Variants in ZNF831 observed in about 807,000 individuals in gnomAD.
ZNF831 encodes the protein zinc finger protein 831.
In ZNF831, 59 loss-of-function variants were observed where a neutral mutation model predicts 95.8. That is an observed-to-expected ratio of 0.62 (90% CI 0.50 to 0.77). The LOEUF is 0.77. ZNF831 is among the 30% of genes least tolerant of loss of function. The pLI, the probability that ZNF831 is intolerant of heterozygous loss-of-function variation, is 0.00. For missense variants in ZNF831, 2,205 were observed against 2,164.0 expected (o/e 1.02, Z -0.38); for synonymous variants, 961 against 925.5 (o/e 1.04, Z -0.70).
At chr20:59,161,725 GAGTGC>G (rs1204898955), upstream of ZNF831, among the ~76,000 whole-genome samples, 1 of 152,190 alleles carries the variant, frequency 6.6e-6, no homozygotes, top group East Asian at 1.9e-4. Flanking sequence ...ATAAACATAC[GAGTGC>G]AGGTGTCTTT....
intron 2 of ZNF831, among the ~76,000 whole-genome samples, chr20:59,148,306 G>A (rs562884821): frequency 7.2e-5 from 11 of 152,218 alleles, no homozygotes; most frequent in African/African-American, 2.6e-4. Context: ...GTGCACATGA[G>A]CTCTGAGGAC....
intron 4 of ZNF831, among the ~76,000 whole-genome samples, chr20:59,222,095 G>A (rs1986115188): frequency 6.6e-6 from 1 of 152,140 alleles, no homozygotes; most frequent in Non-Finnish European, 1.5e-5. Flanking sequence ...GCCTCCTCCT[G>A]TCTCCCAGCT....
Position 59,192,618 on chromosome 20 carries a change from G to T in ZNF831, c.1599G>T (p.Leu533=). Residue 533 remains leucine, a synonymous_variant, in exon 2 of 6, where the codon CTG becomes CTT. Transcript: ENST00000371030. The surrounding 1 kb of genome is among the most constrained non-coding windows in gnomAD (Gnocchi z 5.2). ...RDPWSRTQKP[L]SPRPGPARLG... is the part of the protein sequence containing the mutation. ...CCTGGTCCAGGACGCAGAAGCCTCT[G>T]AGCCCCAGGCCCGGCCCAGCCCGCC... The T allele has an allele frequency of 6.7e-7, 1 of 1,502,382 alleles. No individual in the cohort carries two copies. The allele number at this position is 1,502,382 out of a possible 1,614,324, so 93.1% of individuals were successfully genotyped here.
At chr20:59,237,614 G>A (rs779554230) in intron 4 of ZNF831, among the ~76,000 whole-genome samples, 4 of 152,188 alleles carry the variant, frequency 2.6e-5, no homozygotes, top group African/African-American at 7.2e-5. Flanking sequence ...GATTATGGGC[G>A]TGAGCCACTG....
chr20:59,206,919 T>G lies in ZNF831; in HGVS notation c.3890T>G (p.Phe1297Cys). Residue 1297 changes from phenylalanine (F) to cysteine (C), a missense_variant, in exon 4 of 6, where the codon TTC becomes TGC. Coordinates refer to ENST00000371030, the MANE Select transcript of ZNF831 (RefSeq NM_178457.3). The stretch of plus-strand genomic sequence containing the variant: ...CTCTTCTACAGGTACAAAGGGAATT[T>G]CTTGCAGAGCTGTGTTCAGCTGAGA... ...KINPKRYKGN[F>C]LQSCVQLRAS... is the part of the protein sequence containing the mutation. 6.2e-7 allele frequency: 1 copy of G among 1,614,048 alleles called. No individual in the cohort carries two copies. The highest frequency in any genetic ancestry group is 8.5e-7 in the Non-Finnish European group (1 of 1,179,986).
chr20:59,167,476 C>T (rs963943856), intron 1 of ZNF831, among the ~76,000 whole-genome samples: 4 of 151,026 alleles, frequency 2.6e-5, no homozygotes, highest in African/African-American at 7.3e-5. Flanking sequence ...TTATATTTTC[C>T]TTTTATGGCT....
rs191565536 is a variant in ZNF831 at position 59,164,178 on chromosome 20, T to G, written c.-66T>G. Among the ~76,000 whole-genome samples, 1 of 152,146 alleles carries G rather than the reference T, an allele frequency of 6.6e-6. No individual in the cohort carries two copies. Among genetic ancestry groups the G allele is most frequent in the African/African-American group, 2.4e-5 (1 of 41,414 alleles). ...TCATTGTGTTTGAATCAGAGCATCA[T>G]TGGCTGAAAACACTCCACTGTTTAT... is the stretch of plus-strand genomic sequence containing the variant. On this transcript the variant is annotated 5_prime_UTR_variant, in exon 1 of 6. Coordinates refer to ENST00000371030, the MANE Select transcript of ZNF831 (RefSeq NM_178457.3).
intron 1 of ZNF831, among the ~76,000 whole-genome samples, chr20:59,140,248 T>C (rs1979635190): frequency 6.6e-6 from 1 of 152,210 alleles, no homozygotes; most frequent in Non-Finnish European, 1.5e-5. Flanking sequence ...TAACAAGGCC[T>C]CTGGCCATTT....
intron 4 of ZNF831, among the ~76,000 whole-genome samples, chr20:59,241,575 A>G (rs1419856669): frequency 6.6e-6 from 1 of 152,246 alleles, no homozygotes; most frequent in East Asian, 1.9e-4. Flanking sequence ...TAAGAAAATG[A>G]CACTTGTAAA....
intron 4 of ZNF831, among the ~76,000 whole-genome samples, chr20:59,226,600 C>G (rs555342313): frequency 6.6e-6 from 1 of 150,634 alleles, no homozygotes; most frequent in African/African-American, 2.5e-5. Context: ...GGGGCCAACC[C>G]GAAATATATA....
At chr20:59,214,941 T>C (rs1359360077) in intron 4 of ZNF831, among the ~76,000 whole-genome samples, 1 of 152,264 alleles carries the variant, frequency 6.6e-6, no homozygotes, top group Non-Finnish European at 1.5e-5. Context: ...TGACAGTTAT[T>C]GACCCTTGGG....
Position 59,194,479 on chromosome 20 carries a change from T to A in ZNF831, c.3460T>A (p.Ser1154Thr), listed in dbSNP as rs371856120. 245 of 1,612,862 alleles carry A rather than the reference T, an allele frequency of 1.5e-4. 2 individuals are homozygous for A. In the African/African-American group the frequency reaches 3.0e-3, roughly 20 times the overall value. Residue 1154 changes from serine to threonine, a missense_variant, in exon 2 of 6, where the codon TCC (serine) becomes ACC (threonine). Coordinates refer to ENST00000371030, the MANE Select transcript of ZNF831 (RefSeq NM_178457.3). Reference sequence around the variant, plus strand: ...AGGCTGGCCAGAGCTGGCCTTGTCTTCCCACTCAGGGACGTCCCGGAGCCA... The same window carrying A: ...AGGCTGGCCAGAGCTGGCCTTGTCTACCCACTCAGGGACGTCCCGGAGCCA... Reference protein sequence around the residue: ...PPGWPELALSSHSGTSRSHST... With the variant: ...PPGWPELALSTHSGTSRSHST...
intron 1 of ZNF831, among the ~76,000 whole-genome samples, chr20:59,137,503 G>A (rs532576553): frequency 1.2e-4 from 19 of 152,240 alleles, no homozygotes; most frequent in African/African-American, 4.3e-4. Context: ...ACTTTATGGG[G>A]TTATCAAAGC....
chr20:59,165,628 C>T (rs1981195052), intron 1 of ZNF831, among the ~76,000 whole-genome samples: 1 of 152,146 alleles, frequency 6.6e-6, no homozygotes, highest in Non-Finnish European at 1.5e-5. Context: ...GAAGGTCACA[C>T]TCAGGGATTT....
intron 4 of ZNF831, among the ~76,000 whole-genome samples, chr20:59,222,359 C>T (rs1986138735): frequency 1.3e-5 from 2 of 152,050 alleles, no homozygotes; most frequent in Admixed American, 1.3e-4. Flanking sequence ...GGTGGGCGCC[C>T]GGGGGCCTGG....
At chr20:59,183,328 T>C (rs529184209) in intron 1 of ZNF831, among the ~76,000 whole-genome samples, 4 of 152,196 alleles carry the variant, frequency 2.6e-5, no homozygotes, top group African/African-American at 4.8e-5. Flanking sequence ...CTAGGGAGCA[T>C]GTTGCTGCAG....
At position 59,217,193 on chromosome 20, in the gene ZNF831, T is replaced by G. The variant is rs1280909652; in HGVS notation, c.4027+10137T>G. Reference sequence around the variant, plus strand: ...GTGTGTGTGTGTGTGTGTGTGTGTGTGTAACACAGCAGCAGCACACTGCAC... The same window carrying G: ...GTGTGTGTGTGTGTGTGTGTGTGTGGGTAACACAGCAGCAGCACACTGCAC... On this transcript the variant is annotated intron_variant, in intron 4 of 5. Transcript: ENST00000371030. The surrounding 1 kb of genome is among the most constrained non-coding windows in gnomAD (Gnocchi z 4.4). 7.3e-5 allele frequency among the ~76,000 whole-genome samples: 11 copies of G among 151,670 alleles called. No homozygotes were observed. The highest frequency in any genetic ancestry group is 2.7e-4 in the African/African-American group (11 of 41,242).
chr20:59,237,638 C>G (rs73309072), intron 4 of ZNF831, among the ~76,000 whole-genome samples: 12,380 of 152,264 alleles, frequency 0.081, 1,297 homozygotes, highest in African/African-American at 0.25. Flanking sequence ...GCTTTGTCTG[C>G]TGAGTTTCGG....
rs535698201 is a variant in ZNF831, at chr20:59,243,962, T to A, written c.4028-9016T>A. Among the ~76,000 whole-genome samples the A allele has an allele frequency of 3.9e-5, 6 of 152,332 alleles. No individual in the cohort carries two copies. In the South Asian group the frequency reaches 1.2e-3, roughly 32 times the overall value. ...CAATTTTTTTTTCCCTTCATTTAGT[T>A]TTCTTTCTTCCTCACAATTTATCCT... On this transcript the variant is annotated intron_variant, in intron 4 of 5. Transcript: ENST00000371030.
Sources: allele counts gnomAD v4.1 joint callset (sites outside exome capture counted in the v4.1 genomes callset), GRCh38; gene constraint gnomAD v4.1.1; non-coding constraint Gnocchi (gnomAD v3.1); transcripts MANE v1.5; gene names NCBI Gene and HGNC (gene_info 2026-07-23, HGNC 2026-07-21).